Variants in ATRNL1 observed in about 807,000 individuals in gnomAD.
ATRNL1 encodes the protein attractin like 1.
Under a neutral mutation model 182.7 loss-of-function variants are expected in ATRNL1, and 95 were observed. That is an observed-to-expected ratio of 0.52 (90% CI 0.44 to 0.62). The LOEUF is 0.62. Ranked by LOEUF, ATRNL1 falls within the 20% of genes least tolerant of loss-of-function variation. ATRNL1 has a pLI of 0.00. For missense variants in ATRNL1, 1,471 were observed against 1,679.5 expected, an observed-to-expected ratio of 0.88 and a Z score of 2.17; for synonymous variants, 576 against 568.3, an observed-to-expected ratio of 1.01 and a Z score of -0.19.
At chr10:115,453,016 G>A (rs184442226) in intron 21 of ATRNL1, among the ~76,000 whole-genome samples, 1 of 152,132 alleles carries the variant, frequency 6.6e-6, no homozygotes, top group South Asian at 2.1e-4. Flanking sequence ...GTTGCAAATG[G>A]CAGAATTTCC....
At chr10:115,166,143 G>A (rs1847029083) in intron 7 of ATRNL1, among the ~76,000 whole-genome samples, 1 of 151,998 alleles carries the variant, frequency 6.6e-6, no homozygotes, top group Non-Finnish European at 1.5e-5. Flanking sequence ...TCATGTAAAT[G>A]GGATTGTACA....
At chr10:115,792,716 T>A (rs1261474225) in intron 27 of ATRNL1, among the ~76,000 whole-genome samples, 2 of 152,074 alleles carry the variant, frequency 1.3e-5, no homozygotes, top group African/African-American at 4.8e-5. Flanking sequence ...TTTAGTTTTT[T>A]CATTTATTAG....
intron 14 of ATRNL1, among the ~76,000 whole-genome samples, chr10:115,283,350 G>T (rs914432277): frequency 2.6e-5 from 4 of 152,126 alleles, no homozygotes; most frequent in African/African-American, 9.7e-5. Flanking sequence ...GGAGGTGGAG[G>T]TTGCAGTGAG....
At chr10:115,262,800 A>G (rs528801970) in intron 10 of ATRNL1, among the ~76,000 whole-genome samples, 17 of 152,184 alleles carry the variant, frequency 1.1e-4, no homozygotes, top group East Asian at 3.9e-4. Flanking sequence ...CTCACCAGTA[A>G]CTGGAAAAAT....
intron 24 of ATRNL1, among the ~76,000 whole-genome samples, chr10:115,506,513 A>G (rs945236570): frequency 2.0e-5 from 3 of 151,952 alleles, no homozygotes; most frequent in Non-Finnish European, 2.9e-5. Context: ...ACCAGCCTAG[A>G]AGCTGGAAAA....
At chr10:115,679,506 C>G (rs997748407) in intron 26 of ATRNL1, among the ~76,000 whole-genome samples, 2 of 152,032 alleles carry the variant, frequency 1.3e-5, no homozygotes, top group Non-Finnish European at 2.9e-5. Flanking sequence ...ACTTCACTCT[C>G]TAGACTCAGT....
intron 27 of ATRNL1, among the ~76,000 whole-genome samples, chr10:115,816,615 G>GACAC (rs35920402): frequency 0.016 from 2,431 of 150,238 alleles, 75 homozygotes; most frequent in African/African-American, 0.057. Flanking sequence ...GACACACACA[G>GACAC]ACACACACAC....
rs1851108372 is a variant in ATRNL1 at position 115,255,953 on chromosome 10, A to G, written c.1688-9240A>G. Among the ~76,000 whole-genome samples the G allele has an allele frequency of 1.3e-5, 2 of 152,182 alleles. 1 individual carries two copies. Among genetic ancestry groups the G allele is most frequent in the South Asian group, 4.1e-4 (2 of 4,824 alleles). ...ATGGATTATGTTTATTGATTTGCAT[A>G]CGTTGAACCAGCCTTGCATCCCAGG... On this transcript the variant is annotated intron_variant, in intron 10 of 28. Coordinates refer to ENST00000355044, the MANE Select transcript of ATRNL1 (RefSeq NM_207303.4).
At chr10:115,218,431 G>A (rs191359566) in intron 9 of ATRNL1, among the ~76,000 whole-genome samples, 13 of 152,150 alleles carry the variant, frequency 8.5e-5, no homozygotes, top group African/African-American at 2.7e-4. Flanking sequence ...TGTCATTTGC[G>A]ATCTCATGCA....
intron 28 of ATRNL1, among the ~76,000 whole-genome samples, chr10:115,896,883 T>C (rs1952221539): frequency 6.6e-6 from 1 of 152,064 alleles, no homozygotes; most frequent in East Asian, 1.9e-4. Flanking sequence ...AAGATCGAAA[T>C]ATGAGTAAAC....
rs7910250 is a variant in ATRNL1, at chr10:115,529,603, A to G, written c.3716+10279A>G. ...ATTTAATGATTACTCTTAAATTTTA[A>G]CAAGCATATTTCCCTAACCAACAAT... On this transcript the variant is annotated intron_variant, in intron 25 of 28. Transcript: ENST00000355044. Among the ~76,000 whole-genome samples the G allele has an allele frequency of 2.6e-3, 401 of 152,016 alleles. 1 individual carries two copies. The highest frequency in any genetic ancestry group is 9.1e-3 in the African/African-American group (376 of 41,540).
At chr10:115,142,759 C>T (rs1021504315) in intron 5 of ATRNL1, among the ~76,000 whole-genome samples, 1 of 152,002 alleles carries the variant, frequency 6.6e-6, no homozygotes, top group Admixed American at 6.6e-5. Flanking sequence ...AGGTTGGTAG[C>T]TATGGAGGTG....
intron 24 of ATRNL1, among the ~76,000 whole-genome samples, chr10:115,472,373 C>T (rs1446201038): frequency 1.3e-5 from 2 of 150,572 alleles, no homozygotes; most frequent in Non-Finnish European, 3.0e-5. Context: ...TTTTCTATAT[C>T]TGTGAAAAAT....
chr10:115,536,471 A>G (rs1852014143), intron 25 of ATRNL1, among the ~76,000 whole-genome samples: 1 of 152,156 alleles, frequency 6.6e-6, no homozygotes, highest in Non-Finnish European at 1.5e-5. Flanking sequence ...GGAAATGCGC[A>G]GTATTGGGGT....
intron 10 of ATRNL1, among the ~76,000 whole-genome samples, chr10:115,247,874 A>G (rs1850712313): frequency 6.6e-6 from 1 of 152,230 alleles, no homozygotes; most frequent in Admixed American, 6.5e-5. Flanking sequence ...TTGTGGCAAC[A>G]TGGATGGAAC....
chr10:115,492,033 G>T (rs1213039279), intron 24 of ATRNL1, among the ~76,000 whole-genome samples: 1 of 152,128 alleles, frequency 6.6e-6, no homozygotes, highest in African/African-American at 2.4e-5. Flanking sequence ...GTAAGGCGAT[G>T]CCCTATCCTG....
chr10:115,269,166 C>T (rs904925484), intron 13 of ATRNL1, among the ~76,000 whole-genome samples: 6 of 151,218 alleles, frequency 4.0e-5, no homozygotes, highest in Non-Finnish European at 5.9e-5. Flanking sequence ...CTATATATTG[C>T]AGAATAAAAA....
chr10:115,117,273 G>A (rs1844531053), intron 1 of ATRNL1, among the ~76,000 whole-genome samples: 2 of 151,854 alleles, frequency 1.3e-5, no homozygotes, highest in South Asian at 4.2e-4. Context: ...ACCCTGTTGT[G>A]CTTTCAAATA....
chr10:115,491,791 A>G (rs1592733366), intron 24 of ATRNL1, among the ~76,000 whole-genome samples: 1 of 152,172 alleles, frequency 6.6e-6, no homozygotes, highest in Middle Eastern at 3.4e-3. Context: ...TGCCACTGGG[A>G]TATGAAAAAG....
Sources: allele counts gnomAD v4.1 joint callset (sites outside exome capture counted in the v4.1 genomes callset), GRCh38; gene constraint gnomAD v4.1.1; transcripts MANE v1.5; gene names NCBI Gene and HGNC (gene_info 2026-07-23, HGNC 2026-07-21).